The following ZNF644 variants were observed in gnomAD, a reference collection of about 807,000 sequenced individuals.
ZNF644 encodes the protein zinc finger protein 644, also known as zinc finger motif enhancer binding protein 2.
ZNF644 carries 20 observed loss-of-function variants against 108.0 expected under a neutral mutation model. The observed-to-expected ratio is 0.19, with a 90% CI of 0.13 to 0.27. The LOEUF (loss-of-function observed/expected upper bound fraction) is 0.27, where lower values mean the gene tolerates loss of function less well. ZNF644 is among the 10% of genes least tolerant of loss of function. ZNF644 has a pLI of 1.00. For synonymous variants in ZNF644, 542 were observed against 539.1 expected (o/e 1.01, Z -0.08); for missense variants, 1,338 against 1,548.9 (o/e 0.86, Z 2.29).
Position 91,011,460 on chromosome 1 carries a change from C to A in ZNF644, c.-18+10530G>T, listed in dbSNP as rs1374491784. Among the ~76,000 whole-genome samples, 5 of 151,852 alleles carry A rather than the reference C, an allele frequency of 3.3e-5. No individual in the cohort carries two copies. In the East Asian group the frequency reaches 9.6e-4, roughly 29 times the overall value. On this transcript the variant is annotated intron_variant, in intron 1 of 5. Transcript: ENST00000337393. ...TATACGTTTAACAACATTATAATACCCATTTCAGAAAAAATTCTTTATCTG... is the reference window on the plus strand; with the variant it reads ...TATACGTTTAACAACATTATAATACACATTTCAGAAAAAATTCTTTATCTG...
At position 90,938,060 on chromosome 1, in the gene ZNF644, T is replaced by C; in HGVS notation, c.3113A>G (p.His1038Arg). 1.2e-6 allele frequency: 2 copies of C among 1,610,876 alleles called. No individual in the cohort carries two copies. Among genetic ancestry groups the C allele is most frequent in the Non-Finnish European group, 1.7e-6 (2 of 1,179,792 alleles). ...CCAACCACCACAGAGCTGACAAGTG[T>C]GTTCAGAAGTGGTTTCAGACTTCTC... ...AIEKSETTSEHTCQLCGGWFD... is the reference protein window; with the variant it reads ...AIEKSETTSERTCQLCGGWFD... The change falls in exon 4 of 6, where the codon CAC becomes CGC. Residue 1038 changes from histidine (H) to arginine (R), a missense_variant. This residue lies in a region of ZNF644 where 287 missense variants were observed against 310.9 expected (regional missense o/e 0.92). Transcript: ENST00000337393. The surrounding 1 kb of genome is among the most constrained non-coding windows in gnomAD (Gnocchi z 4.2).
At chr1:90,983,961 G>C (rs1211090315) in intron 1 of ZNF644, among the ~76,000 whole-genome samples, 1 of 152,116 alleles carries the variant, frequency 6.6e-6, no homozygotes, top group Non-Finnish European at 1.5e-5. Flanking sequence ...ACATGGCAGA[G>C]AGAACTGAAA....
intron 2 of ZNF644, among the ~76,000 whole-genome samples, chr1:90,942,206 A>G (rs1004747611): frequency 2.0e-5 from 3 of 152,236 alleles, no homozygotes; most frequent in African/African-American, 7.2e-5. Flanking sequence ...ACAATAGAAT[A>G]GCATAAACAT....
chr1:90,933,705 T>C (rs1044122761), intron 4 of ZNF644, among the ~76,000 whole-genome samples: 2 of 152,110 alleles, frequency 1.3e-5, no homozygotes, highest in Non-Finnish European at 2.9e-5. Flanking sequence ...ACCTTCATTT[T>C]AGAATTTTCC....
chr1:91,012,280 G>C (rs1461677880), intron 1 of ZNF644, among the ~76,000 whole-genome samples: 2 of 150,576 alleles, frequency 1.3e-5, no homozygotes, highest in East Asian at 3.9e-4. Context: ...TCCAGCCCGG[G>C]CAACATGGTA....
intron 1 of ZNF644, among the ~76,000 whole-genome samples, chr1:91,003,814 C>T (rs1423265421): frequency 6.6e-6 from 1 of 152,090 alleles, no homozygotes; most frequent in South Asian, 2.1e-4. Flanking sequence ...GTTTTAAAAT[C>T]AGCTACTTTA....
rs373759113 is a variant in ZNF644 at position 90,941,050 on chromosome 1, T to G, written c.304A>C (p.Thr102Pro). The change falls in exon 3 of 6, where the codon ACT (threonine) becomes CCT (proline). Residue 102 changes from threonine (T) to proline (P), a missense_variant. By Grantham distance (38) the Thr-to-Pro change is conservative. This residue lies in a region of ZNF644 where 464 missense variants were observed against 457.9 expected (regional missense o/e 1.01). Coordinates refer to ENST00000337393, the MANE Select transcript of ZNF644 (RefSeq NM_201269.3). The part of the protein sequence containing the change: ...SSLFIHAGAP[T>P]VSSENFILPK... ...AAGATAAAGTTTTCACTAGAAACAG[T>G]AGGAGCACCAGCATGTATAAATAGA... The G allele has an allele frequency of 6.2e-7, 1 of 1,614,158 alleles. No individual in the cohort carries two copies. The highest frequency in any genetic ancestry group is 8.5e-7 in the Non-Finnish European group (1 of 1,179,982).
intron 4 of ZNF644, among the ~76,000 whole-genome samples, chr1:90,929,449 C>G (rs1650459991): frequency 6.6e-6 from 1 of 152,186 alleles, no homozygotes; most frequent in Non-Finnish European, 1.5e-5. Flanking sequence ...AGCAAGTTTG[C>G]TCATTTGGAG....
At chr1:90,956,403 A>G (rs1653760569) in intron 2 of ZNF644, among the ~76,000 whole-genome samples, 1 of 152,250 alleles carries the variant, frequency 6.6e-6, no homozygotes, top group Admixed American at 6.5e-5. Context: ...TCAACACACA[A>G]TAAAACAGGG....
chr1:90,965,994 A>G (rs1654830668), intron 2 of ZNF644, among the ~76,000 whole-genome samples: 1 of 151,870 alleles, frequency 6.6e-6, no homozygotes, highest in Non-Finnish European at 1.5e-5. Flanking sequence ...CAGGTGATCC[A>G]CCCACCTCGG....
In ZNF644 at chr1:90,947,502, G is replaced by A. The variant is rs911933868; in HGVS notation, c.45-6193C>T. On this transcript the variant is annotated intron_variant, in intron 2 of 5. Transcript: ENST00000337393. ...TAAGTATGTCAATCCCATACTCCAGGGGCAGTGTGTCAACTTTGCCCTCCA... is the reference window on the plus strand; with the variant it reads ...TAAGTATGTCAATCCCATACTCCAGAGGCAGTGTGTCAACTTTGCCCTCCA... Among the ~76,000 whole-genome samples the A allele has an allele frequency of 2.6e-5, 4 of 152,010 alleles. No individual in the cohort carries two copies. The East Asian group carries it at 7.7e-4, about 29-fold the overall frequency.
chr1:90,968,207 T>C (rs1459932505), intron 2 of ZNF644, among the ~76,000 whole-genome samples: 1 of 152,146 alleles, frequency 6.6e-6, no homozygotes, highest in Non-Finnish European at 1.5e-5. Context: ...TCATGATCAG[T>C]TATTTTGTAG....
rs1330513819 is a variant in ZNF644 at position 90,950,677 on chromosome 1, C to T, written c.45-9368G>A. On this transcript the variant is annotated intron_variant, in intron 2 of 5. Coordinates refer to ENST00000337393, the MANE Select transcript of ZNF644 (RefSeq NM_201269.3). ...TTTAAACGATTCTCCCAAAGGTTAA[C>T]AAATCAAGCAGACTTAAAAAGTAAA... is the stretch of plus-strand genomic sequence containing the variant. 3.3e-5 allele frequency among the ~76,000 whole-genome samples: 5 copies of T among 152,154 alleles called. No individual in the cohort carries two copies. In the South Asian group the frequency reaches 8.3e-4, roughly 25 times the overall value.
intron 4 of ZNF644, among the ~76,000 whole-genome samples, chr1:90,920,222 C>T (rs557328549): frequency 2.0e-4 from 30 of 152,054 alleles, no homozygotes; most frequent in Admixed American, 2.0e-3. Flanking sequence ...CATAAGATTA[C>T]AGGTAGAATC....
At chr1:90,935,291 T>C (rs749042841) in intron 4 of ZNF644, 59 of 872,188 alleles carry the variant, frequency 6.8e-5, no homozygotes, top group Non-Finnish European at 7.7e-5. Context: ...GTATTCAGAC[T>C]CAAATGCAGC....
chr1:91,010,236 CTTTTTTTTT>C (rs577966817), intron 1 of ZNF644, among the ~76,000 whole-genome samples: 1 of 129,906 alleles, frequency 7.7e-6, no homozygotes, highest in South Asian at 2.5e-4. Context: ...ATGTCTGTGC[CTTTTTTTTT>C]TTTTTTTTTT....
chr1:91,021,712 ACCGCCGCGG>A (rs1447997291), intron 1 of ZNF644: 2 of 134,732 alleles, frequency 1.5e-5, no homozygotes, highest in Admixed American at 8.9e-5. Context: ...GCCCCCAGCG[ACCGCCGCGG>A]CCGCCGCCTC....
chr1:91,016,484 G>A (rs1473720936), intron 1 of ZNF644, among the ~76,000 whole-genome samples: 1 of 152,122 alleles, frequency 6.6e-6, no homozygotes, highest in Admixed American at 6.5e-5. Context: ...ACACACAACT[G>A]TAACATAACT....
At chr1:90,969,433 G>A (rs779120717) in intron 2 of ZNF644, among the ~76,000 whole-genome samples, 1 of 152,124 alleles carries the variant, frequency 6.6e-6, no homozygotes, top group Non-Finnish European at 1.5e-5. Flanking sequence ...CTGCAGTTTC[G>A]CTTTCTGAGG....
Sources: allele counts gnomAD v4.1 joint callset (sites outside exome capture counted in the v4.1 genomes callset), GRCh38; gene constraint gnomAD v4.1.1; regional missense constraint gnomAD v4.1.1; non-coding constraint Gnocchi (gnomAD v3.1); transcripts MANE v1.5; gene names NCBI Gene and HGNC (gene_info 2026-07-23, HGNC 2026-07-21).